Variants in BIVM observed in about 807,000 individuals in gnomAD.
The protein encoded by BIVM is basic, immunoglobulin-like variable motif containing, also known as basic immunoglobulin-like variable motif-containing protein.
Under a neutral mutation model 61.4 loss-of-function variants are expected in BIVM, and 31 were observed. The observed-to-expected ratio is 0.51, with a 90% CI of 0.38 to 0.68. BIVM has a LOEUF of 0.68. BIVM is among the 30% of genes least tolerant of loss of function. The pLI is 0.00. For missense variants in BIVM, 526 were observed against 596.0 expected (o/e 0.88, Z 1.22); for synonymous variants, 189 against 210.7 (o/e 0.90, Z 0.89).
intron 8 of BIVM, among the ~76,000 whole-genome samples, 194 bp from the exon 9 acceptor site, chr13:102,834,272 G>A (rs1881312652): frequency 6.6e-6 from 1 of 152,128 alleles, no homozygotes; most frequent in Non-Finnish European, 1.5e-5. Flanking sequence ...AGAGGATTAA[G>A]GCTGAAATTT....
chr13:102,836,210 G>A (rs1881459052), intron 9 of BIVM, among the ~76,000 whole-genome samples: 1 of 152,074 alleles, frequency 6.6e-6, no homozygotes, highest in Non-Finnish European at 1.5e-5. Flanking sequence ...TCTTTTATAT[G>A]TTTTGTGCCT....
chr13:102,816,719 G>A, intron 4 of BIVM, 165 bp downstream of exon 4: 1 of 661,256 alleles, frequency 1.5e-6, no homozygotes, highest in Non-Finnish European at 2.1e-6. Flanking sequence ...AATGTTTGAA[G>A]TAGATTAATA....
At chr13:102,832,311 C>T (rs768016539) in intron 8 of BIVM, among the ~76,000 whole-genome samples, 1 of 152,164 alleles carries the variant, frequency 6.6e-6, no homozygotes, top group African/African-American at 2.4e-5. Flanking sequence ...CTACCTCAGC[C>T]TCCTGAGTGG....
At chr13:102,831,135 C>A (rs574616310) in intron 7 of BIVM, among the ~76,000 whole-genome samples, 15 of 152,232 alleles carry the variant, frequency 9.9e-5, no homozygotes, top group Middle Eastern at 3.4e-3. Flanking sequence ...TTTTGTATAT[C>A]TTTTATAAAG....
chr13:102,809,544 G>A (rs1595335286), intron 3 of BIVM, among the ~76,000 whole-genome samples: 1 of 152,124 alleles, frequency 6.6e-6, no homozygotes, highest in East Asian at 1.9e-4. Flanking sequence ...TTGTGTCTCC[G>A]CTTAACTTGT....
At position 102,818,163 on chromosome 13, in the gene BIVM, A is replaced by C. The variant is rs893123661; in HGVS notation, c.605+1609A>C. On this transcript the variant is annotated intron_variant, in intron 4 of 10. Coordinates refer to ENST00000257336, the MANE Select transcript of BIVM (RefSeq NM_017693.4). Reference sequence around the variant, plus strand: ...AGGGTCTTTGAAAGAATTACAGCAAAGTGTCTCTGGAATGTGGGTAATGAA... The same window carrying C: ...AGGGTCTTTGAAAGAATTACAGCAACGTGTCTCTGGAATGTGGGTAATGAA... Among the ~76,000 whole-genome samples, 6 of 152,194 alleles carry C rather than the reference A, an allele frequency of 3.9e-5. No homozygotes were observed. The East Asian group carries it at 1.2e-3, about 29-fold the overall frequency.
intron 2 of BIVM, among the ~76,000 whole-genome samples, chr13:102,806,784 C>T (rs1879126099): frequency 1.3e-5 from 2 of 151,896 alleles, no homozygotes; most frequent in South Asian, 2.1e-4. Context: ...GTGGCGCATG[C>T]CTGTAATCCC....
chr13:102,819,800 G>A (rs1293950173), intron 4 of BIVM, among the ~76,000 whole-genome samples: 1 of 152,074 alleles, frequency 6.6e-6, no homozygotes, highest in African/African-American at 2.4e-5. Context: ...TTGTATGTGT[G>A]CCAATATGCA....
At chr13:102,838,788 TGTG>T in intron 10 of BIVM, 49 bp downstream of exon 10, 6 of 1,558,554 alleles carry the variant, frequency 3.8e-6, no homozygotes, top group South Asian at 1.2e-5. Flanking sequence ...CTGACCAAAA[TGTG>T]GTGTTTTACT....
rs1251027749 is a variant in BIVM at position 102,831,446 on chromosome 13, A to C, written c.902-119A>C. 3.6e-5 allele frequency: 51 copies of C among 1,423,460 alleles called. No individual in the cohort carries two copies. In the East Asian group the frequency reaches 1.1e-3, roughly 31 times the overall value. 88.2% of individuals were successfully genotyped at this position (1,423,460 alleles called of 1,614,324 possible). ...CAATAGCTTCTTGTTTTTCCCCAGC[A>C]GTGTCAGTGTATTCCAAGTAATGTC... On this transcript the variant is annotated intron_variant, in intron 7 of 10. Coordinates refer to ENST00000257336, the MANE Select transcript of BIVM (RefSeq NM_017693.4).
chr13:102,837,015 C>T (rs143656086), intron 9 of BIVM, among the ~76,000 whole-genome samples: 194 of 152,190 alleles, frequency 1.3e-3, no homozygotes, highest in Middle Eastern at 0.01. Context: ...TGGCTGGGCG[C>T]GGTGGCTCAT....
intron 1 of BIVM, 39 bp downstream of exon 1, chr13:102,799,560 G>A (rs1365894831): frequency 6.6e-6 from 1 of 152,290 alleles, no homozygotes; most frequent in East Asian, 1.9e-4. Flanking sequence ...GGTGGCGGCC[G>A]GCTGTGCGCT....
At chr13:102,836,136 C>A (rs7334764) in intron 9 of BIVM, among the ~76,000 whole-genome samples, 92,337 of 151,928 alleles carry the variant, frequency 0.61, 28,840 homozygotes, top group Middle Eastern at 0.7. Flanking sequence ...TGGTTGTAAA[C>A]CTTCTGATGA....
chr13:102,805,495 C>G (rs1247797118), intron 2 of BIVM, 105 bp downstream of exon 2: 2 of 152,044 alleles, frequency 1.3e-5, no homozygotes, highest in Non-Finnish European at 2.9e-5. Flanking sequence ...AAAAATCTTG[C>G]TAATACATTA....
intron 2 of BIVM, 81 bp downstream of exon 2, chr13:102,805,471 T>C (rs1036266468): frequency 2.0e-5 from 3 of 152,240 alleles, no homozygotes; most frequent in Non-Finnish European, 4.4e-5. Flanking sequence ...GTATCCTTTA[T>C]GCCTATGTAC....
chr13:102,837,341 T>C (rs536784717), intron 9 of BIVM, among the ~76,000 whole-genome samples: 2 of 152,334 alleles, frequency 1.3e-5, no homozygotes, highest in East Asian at 1.9e-4. Flanking sequence ...ACATGGACTA[T>C]ATCTTTACTT....
chr13:102,832,989 G>T (rs1238774778), intron 8 of BIVM, among the ~76,000 whole-genome samples: 1 of 152,120 alleles, frequency 6.6e-6, no homozygotes, highest in African/African-American at 2.4e-5. Flanking sequence ...TTGGTGGGTG[G>T]GGTGCAGTGG....
At position 102,839,691 on chromosome 13, in the gene BIVM, G is replaced by A. The variant is rs149185086; in HGVS notation, c.1338G>A (p.Gln446=). ...AATCACAACCTCCAACACATGCCCA[G>A]GGAATTGCCAAATCTGAGAGTGAAG... ...RQESQPPTHA[Q]GIAKSESEDN... Residue 446 remains glutamine, a synonymous_variant, in exon 11 of 11, where the codon CAG becomes CAA. Coordinates refer to ENST00000257336, the MANE Select transcript of BIVM (RefSeq NM_017693.4). 1.3e-5 allele frequency: 21 copies of A among 1,614,062 alleles called. No homozygotes were observed. The highest frequency in any genetic ancestry group is 1.6e-5 in the Non-Finnish European group (19 of 1,180,034).
chr13:102,821,058 G>A lies in BIVM; in HGVS notation c.627G>A (p.Gln209=). Residue 209 remains glutamine (Q), a synonymous_variant, in exon 5 of 11, where the codon CAG becomes CAA. Coordinates refer to ENST00000257336, the MANE Select transcript of BIVM (RefSeq NM_017693.4). ...LRRWYCISRP[Q]YKTSCGISSL... is the part of the protein sequence containing the mutation. ...TCAGGTACTGCATAAGCCGACCACA[G>A]TATAAGACTTCTTGTGGCATCTCTT... The A allele has an allele frequency of 6.2e-7, 1 of 1,613,566 alleles. No individual in the cohort carries two copies. The highest frequency in any genetic ancestry group is 1.1e-5 in the South Asian group (1 of 90,932).
Sources: gnomAD v4.1 joint callset for allele counts (sites outside exome capture counted in the v4.1 genomes callset) on GRCh38, gnomAD v4.1.1 for gene constraint, MANE v1.5 for transcripts, NCBI Gene and HGNC (gene_info 2026-07-23, HGNC 2026-07-21) for gene names.